The following MYO5A variants were observed in gnomAD, a reference collection of about 807,000 sequenced individuals.
The protein encoded by MYO5A is unconventional myosin-Va.
In MYO5A, 98 loss-of-function variants were observed where a neutral mutation model predicts 249.7. The ratio of observed to expected loss-of-function variants is 0.39; its 90% CI spans 0.33 to 0.46. The LOEUF (loss-of-function observed/expected upper bound fraction) is 0.46, where lower values mean the gene tolerates loss of function less well. MYO5A is among the 20% of genes least tolerant of loss of function. The probability of loss-of-function intolerance (pLI) is 0.98; values close to 1 mark genes in which losing one functional copy is unlikely to be tolerated. For missense variants in MYO5A, 1,696 were observed against 2,308.8 expected, an observed-to-expected ratio of 0.73 and a Z score of 5.44; for synonymous variants, 778 against 810.6, an observed-to-expected ratio of 0.96 and a Z score of 0.68.
intron 34 of MYO5A, among the ~76,000 whole-genome samples, chr15:52,333,800 G>T (rs1490323813): frequency 2.0e-5 from 3 of 152,154 alleles, no homozygotes. Flanking sequence ...TAAGTGTGTT[G>T]CAATACATTT....
chr15:52,426,898 A>G (rs1225876568), intron 3 of MYO5A, among the ~76,000 whole-genome samples: 4 of 152,136 alleles, frequency 2.6e-5, no homozygotes, highest in African/African-American at 4.8e-5. Flanking sequence ...GGCAAAAAAT[A>G]ATGCAGGGAA....
At chr15:52,400,145 C>T (rs1156700289) in intron 9 of MYO5A, among the ~76,000 whole-genome samples, 4 of 151,414 alleles carry the variant, frequency 2.6e-5, no homozygotes, top group African/African-American at 7.3e-5. Flanking sequence ...TGTTTTTCTC[C>T]CTCTTTCTTG....
intron 4 of MYO5A, among the ~76,000 whole-genome samples, chr15:52,417,182 G>A (rs1429553727): frequency 6.6e-6 from 1 of 152,164 alleles, no homozygotes; most frequent in East Asian, 1.9e-4. Context: ...AACTAAGGAT[G>A]AATCTGCAAT....
chr15:52,372,692 A>T (rs531279700), intron 20 of MYO5A, among the ~76,000 whole-genome samples: 10 of 152,320 alleles, frequency 6.6e-5, no homozygotes, highest in African/African-American at 2.4e-4. Flanking sequence ...AAGAAAAACA[A>T]CTATAAAAAG....
At chr15:52,313,885 G>A in intron 41 of MYO5A, 37 bp from the exon 42 acceptor site, 1 of 1,610,494 alleles carries the variant, frequency 6.2e-7, no homozygotes, top group Non-Finnish European at 8.5e-7. Context: ...CAGAGCATCA[G>A]TTCTTTGAAT....
At chr15:52,348,923 T>G in intron 28 of MYO5A, 97 bp from the exon 29 acceptor site, 2 of 1,310,780 alleles carry the variant, frequency 1.5e-6, no homozygotes, top group Non-Finnish European at 2.1e-6. Context: ...TTATAACAGA[T>G]AAAAGCTAAT....
intron 9 of MYO5A, among the ~76,000 whole-genome samples, chr15:52,401,377 A>G (rs1201921973): frequency 6.6e-6 from 1 of 152,132 alleles, no homozygotes; most frequent in African/African-American, 2.4e-5. Flanking sequence ...GCCTCTCATA[A>G]GTTTTTAATT....
chr15:52,331,168 A>C (rs2038869717), intron 34 of MYO5A, among the ~76,000 whole-genome samples: 1 of 152,226 alleles, frequency 6.6e-6, no homozygotes, highest in South Asian at 2.1e-4. Context: ...ATCTCTATGT[A>C]GTATGATTTC....
chr15:52,314,915 A>G (rs1011344472), intron 40 of MYO5A, among the ~76,000 whole-genome samples: 2 of 152,228 alleles, frequency 1.3e-5, no homozygotes, highest in Non-Finnish European at 2.9e-5. Context: ...GTCACTAGCC[A>G]CATGTGGCTA....
intron 1 of MYO5A, among the ~76,000 whole-genome samples, chr15:52,491,644 C>T (rs900830536): frequency 6.6e-6 from 1 of 152,174 alleles, no homozygotes; most frequent in African/African-American, 2.4e-5. Flanking sequence ...CTAACAAAAA[C>T]AAAGATATTT....
intron 31 of MYO5A, among the ~76,000 whole-genome samples, chr15:52,341,739 G>A (rs1187623992): frequency 1.7e-4 from 1 of 5,912 alleles, no homozygotes; most frequent in Non-Finnish European, 3.9e-3. Flanking sequence ...CGTTAATGAT[G>A]AGAACAAAGC....
intron 1 of MYO5A, chr15:52,435,733 T>A (rs1266417344): frequency 4.6e-6 from 2 of 437,920 alleles, no homozygotes; most frequent in South Asian, 1.6e-5. Context: ...TAACTTTTAG[T>A]CTTGACAAGT....
chr15:52,402,249 T>C (rs964328356), intron 9 of MYO5A, among the ~76,000 whole-genome samples: 1 of 152,128 alleles, frequency 6.6e-6, no homozygotes, highest in South Asian at 2.1e-4. Flanking sequence ...TGAGAGTCAG[T>C]TTGTTGTTAT....
intron 1 of MYO5A, among the ~76,000 whole-genome samples, chr15:52,440,572 A>G (rs2075766069): frequency 6.6e-6 from 1 of 152,190 alleles, no homozygotes; most frequent in South Asian, 2.1e-4. Context: ...CTGGCCCACC[A>G]GTCATCTTTC....
At chr15:52,428,721 G>A (rs2075451270) in intron 2 of MYO5A, 152 bp from the exon 3 acceptor site, 3 of 822,122 alleles carry the variant, frequency 3.6e-6, no homozygotes, top group Non-Finnish European at 6.1e-6. Flanking sequence ...GAAACTGGTG[G>A]AGATGGAAAC....
At chr15:52,463,704 C>T (rs914330190) in intron 1 of MYO5A, among the ~76,000 whole-genome samples, 6 of 152,132 alleles carry the variant, frequency 3.9e-5, no homozygotes, top group East Asian at 1.9e-4. Flanking sequence ...TTTTATTTGA[C>T]CTGTGAATTA....
intron 40 of MYO5A, among the ~76,000 whole-genome samples, 171 bp downstream of exon 40, chr15:52,316,877 T>G (rs1192648019): frequency 6.6e-6 from 1 of 152,212 alleles, no homozygotes; most frequent in Non-Finnish European, 1.5e-5. Context: ...CTGAAATGTA[T>G]TAATTTCTGG....
At chr15:52,514,625 G>A (rs997190063) in intron 1 of MYO5A, among the ~76,000 whole-genome samples, 3 of 152,204 alleles carry the variant, frequency 2.0e-5, no homozygotes, top group Non-Finnish European at 4.4e-5. Flanking sequence ...GGCAGGTCAT[G>A]AAGAGCCTGT....
chr15:52,471,404 G>C (rs926346934), intron 1 of MYO5A, among the ~76,000 whole-genome samples: 3 of 152,070 alleles, frequency 2.0e-5, no homozygotes, highest in African/African-American at 7.2e-5. Context: ...AGGAGTTTGA[G>C]ACCAGCCTCG....
Sources: gnomAD v4.1 joint callset for allele counts (sites outside exome capture counted in the v4.1 genomes callset) on GRCh38, gnomAD v4.1.1 for gene constraint, MANE v1.5 for transcripts, NCBI Gene and HGNC (gene_info 2026-07-23, HGNC 2026-07-21) for gene names.